VAMP7: variants seen among roughly 807,000 people sequenced by gnomAD.
VAMP7 encodes the protein vesicle associated membrane protein 7, also known as vesicle-associated membrane protein 7.
Under a neutral mutation model 29.6 loss-of-function variants are expected in VAMP7, and 14 were observed. That is an observed-to-expected ratio of 0.47 (90% confidence interval 0.31 to 0.74). VAMP7 has a LOEUF of 0.74. Among genes scored for constraint, VAMP7 ranks in the 30% least tolerant of loss-of-function variants. The pLI, the probability that VAMP7 is intolerant of heterozygous loss-of-function variation, is 0.05. For missense variants in VAMP7, 223 were observed against 262.4 expected (o/e 0.85, Z 1.04); for synonymous variants, 95 against 88.1 (o/e 1.08, Z -0.44).
At chrX:155,885,467 T>G (rs1450479683) in intron 1 of VAMP7, among the ~76,000 whole-genome samples, 8 of 152,164 alleles carry the variant, frequency 5.3e-5, no homozygotes, top group African/African-American at 1.9e-4. Context: ...TAGTATCAGT[T>G]TAAAATGGGG....
At chrX:155,913,017 C>T (rs138849651) in intron 5 of VAMP7, among the ~76,000 whole-genome samples, 2,070 of 152,270 alleles carry the variant, frequency 0.014, 11 homozygotes, top group Middle Eastern at 0.027. Context: ...TCCTCTCCAG[C>T]ATCTGTTCTT....
At position 155,894,139 on chromosome X, in the gene VAMP7, T is replaced by G. The variant is rs752173294; in HGVS notation, c.147-1484T>G. The stretch of plus-strand genomic sequence containing the variant: ...AACCTGTCTCACGCCAGTCACCAAG[T>G]TCTATAAATGCTGCCTCCTATCTCT... On this transcript the variant is annotated intron_variant, in intron 2 of 7. Transcript: ENST00000286448. Among the ~76,000 whole-genome samples, 8 of 152,188 alleles carry G rather than the reference T, an allele frequency of 5.3e-5. No individual in the cohort carries two copies. The East Asian group carries it at 1.2e-3, about 22-fold the overall frequency.
chrX:155,921,631 T>G (rs984258665), intron 6 of VAMP7, among the ~76,000 whole-genome samples: 1 of 152,238 alleles, frequency 6.6e-6, no homozygotes, highest in Non-Finnish European at 1.5e-5. Context: ...TCTGTGGGGC[T>G]TTATTTCTGG....
chrX:155,930,448 G>C lies in VAMP7; in HGVS notation c.502-9253G>C, dbSNP rs2066531630. Among the ~76,000 whole-genome samples the C allele has an allele frequency of 2.7e-5, 4 of 150,498 alleles. No individual in the cohort carries two copies. In the South Asian group the frequency reaches 6.3e-4, roughly 24 times the overall value. ...TCTAAAATCCAGAAGTTCAAGACCA[G>C]CCTAGGCAACAAAGTGAGACCTTAT... On this transcript the variant is annotated intron_variant, in intron 6 of 7. Transcript: ENST00000286448.
At chrX:155,910,730 C>T (rs1399616010) in intron 5 of VAMP7, among the ~76,000 whole-genome samples, 1 of 151,904 alleles carries the variant, frequency 6.6e-6, no homozygotes, top group African/African-American at 2.4e-5. Flanking sequence ...TACCTTTTGG[C>T]CATTTGTATG....
At chrX:155,901,310 T>G in intron 5 of VAMP7, among the ~76,000 whole-genome samples, 1 of 152,108 alleles carries the variant, frequency 6.6e-6, no homozygotes, top group East Asian at 1.9e-4. Context: ...ATTATATATC[T>G]AGATAGAGAC....
intron 2 of VAMP7, among the ~76,000 whole-genome samples, chrX:155,894,855 A>G (rs1052784871): frequency 1.3e-5 from 2 of 152,046 alleles, no homozygotes; most frequent in African/African-American, 2.4e-5. Flanking sequence ...AGCTCAAGCG[A>G]TCTGCCCGCC....
intron 2 of VAMP7, among the ~76,000 whole-genome samples, chrX:155,891,156 C>G (rs1032635980): frequency 3.9e-5 from 6 of 152,204 alleles, no homozygotes; most frequent in African/African-American, 1.4e-4. Flanking sequence ...AGTCATGTAG[C>G]TAGCATAGCT....
chrX:155,935,286 G>A (rs1217495963), intron 6 of VAMP7, among the ~76,000 whole-genome samples: 1 of 152,096 alleles, frequency 6.6e-6, no homozygotes, highest in African/African-American at 2.4e-5. Context: ...CTAATATCCT[G>A]CAGAGTGTTT....
At position 155,930,542 on chromosome X, in the gene VAMP7, TG is replaced by T. The variant is rs1294541971; in HGVS notation, c.502-9153del. Among the ~76,000 whole-genome samples the T allele has an allele frequency of 9.3e-5, 14 of 150,992 alleles. No individual in the cohort carries two copies. The East Asian group carries it at 2.5e-3, about 27-fold the overall frequency. On this transcript the variant is annotated intron_variant, in intron 6 of 7. Coordinates refer to ENST00000286448, the MANE Select transcript of VAMP7 (RefSeq NM_005638.6). ...GGGTGCACCTGTAGTCCTAGCTACT[TG>T]GGGGGCTGAAGATGGAGAATTGCTT... is the stretch of plus-strand genomic sequence containing the variant.
rs188155377 is a variant in VAMP7, at chrX:155,942,296, T to C, written c.*345T>C. On this transcript the variant is annotated 3_prime_UTR_variant, in exon 8 of 8. Transcript: ENST00000286448. ...TCTTATGAGCTATCTACTAAAACTA[T>C]GGAGAAACTTTGTATGTGCACACAA... The C allele has an allele frequency of 3.3e-5, 30 of 900,078 alleles. 1 individual carries two copies. The East Asian group carries it at 6.4e-4, about 19-fold the overall frequency. 55.8% of individuals were successfully genotyped at this position (900,078 alleles called of 1,614,324 possible).
intron 1 of VAMP7, among the ~76,000 whole-genome samples, chrX:155,883,506 C>T (rs1016879309): frequency 6.6e-6 from 1 of 151,994 alleles, no homozygotes; most frequent in Non-Finnish European, 1.5e-5. Context: ...AACATTCTGC[C>T]AATGAACTCT....
rs749409594 is a variant in VAMP7 at position 155,929,453 on chromosome X, CT to C, written c.501+9574del. Among the ~76,000 whole-genome samples, 370 of 152,258 alleles carry C rather than the reference CT, an allele frequency of 2.4e-3. 4 individuals carry two copies. The highest frequency in any genetic ancestry group is 9.9e-3 in the East Asian group (51 of 5,174). ...AATTGCCTTTAAACAGTTGCCCCCC[CT>C]GGGCATTGTGTGGGGGGTGTGACTG... On this transcript the variant is annotated intron_variant, in intron 6 of 7. Coordinates refer to ENST00000286448, the MANE Select transcript of VAMP7 (RefSeq NM_005638.6).
At chrX:155,938,173 A>G (rs1433972295) in intron 6 of VAMP7, among the ~76,000 whole-genome samples, 1 of 152,136 alleles carries the variant, frequency 6.6e-6, no homozygotes, top group African/African-American at 2.4e-5. Context: ...ACTTTGTTCC[A>G]TTAAGGACTG....
chrX:155,936,817 A>G (rs891964334), intron 6 of VAMP7, among the ~76,000 whole-genome samples: 10 of 152,190 alleles, frequency 6.6e-5, no homozygotes, highest in African/African-American at 2.2e-4. Flanking sequence ...CTATTTGGCC[A>G]TCTTGGAACA....
chrX:155,925,214 C>A (rs2124364887), intron 6 of VAMP7, among the ~76,000 whole-genome samples: 1 of 152,250 alleles, frequency 6.6e-6, no homozygotes, highest in South Asian at 2.1e-4. Flanking sequence ...TTTTGACTTC[C>A]TCCCACGAAT....
rs1569446197 is a variant in VAMP7, at chrX:155,919,883, A to T, written c.501+3A>T. On this transcript the variant is annotated splice_donor_region_variant and intron_variant, in intron 6 of 7. Coordinates refer to ENST00000286448, the MANE Select transcript of VAMP7 (RefSeq NM_005638.6). Reference sequence around the variant, plus strand: ...AAACAGAAAATCTTGTGGATTCTGTAAGTATGGAATCTGATAATATGGAGT... The same window carrying T: ...AAACAGAAAATCTTGTGGATTCTGTTAGTATGGAATCTGATAATATGGAGT... 1 of 1,609,004 alleles carries T rather than the reference A, an allele frequency of 6.2e-7. No individual in the cohort carries two copies. Among genetic ancestry groups the T allele is most frequent in the Non-Finnish European group, 8.5e-7 (1 of 1,175,896 alleles).
rs747698017 is a variant in VAMP7 at position 155,932,329 on chromosome X, C to T, written c.502-7372C>T. Among the ~76,000 whole-genome samples the T allele has an allele frequency of 3.3e-3, 504 of 152,236 alleles. 1 individual carries two copies. The highest frequency in any genetic ancestry group is 0.012 in the African/African-American group (478 of 41,516). ...GGCCATTTTCATGATATTGATTCTT[C>T]CTATCCATGAGCATGGAATGTTCTT... On this transcript the variant is annotated intron_variant, in intron 6 of 7. Coordinates refer to ENST00000286448, the MANE Select transcript of VAMP7 (RefSeq NM_005638.6).
intron 1 of VAMP7, among the ~76,000 whole-genome samples, chrX:155,888,823 C>A (rs1363419325): frequency 6.6e-6 from 1 of 152,106 alleles, no homozygotes; most frequent in African/African-American, 2.4e-5. Flanking sequence ...AATTGCAGCT[C>A]CACACTTACT....
Sources: allele counts gnomAD v4.1 joint callset (sites outside exome capture counted in the v4.1 genomes callset), GRCh38; gene constraint gnomAD v4.1.1; transcripts MANE v1.5; gene names NCBI Gene and HGNC (gene_info 2026-07-23, HGNC 2026-07-21).